CACNB4: variants seen among roughly 807,000 people sequenced by gnomAD.
CACNB4 encodes voltage-dependent L-type calcium channel subunit beta-4.
In CACNB4, 32 loss-of-function variants were observed where a neutral mutation model predicts 71.2. The observed-to-expected ratio is 0.45, with a 90% CI of 0.34 to 0.60. CACNB4 has a LOEUF of 0.60. CACNB4 is among the 20% of genes least tolerant of loss of function. The probability of loss-of-function intolerance (pLI) is 0.01; values close to 1 mark genes in which losing one functional copy is unlikely to be tolerated. For synonymous variants in CACNB4, 231 were observed against 236.9 expected (o/e 0.97, Z 0.23); for missense variants, 464 against 647.9 (o/e 0.72, Z 3.08).
intron 2 of CACNB4, among the ~76,000 whole-genome samples, chr2:151,937,369 C>G (rs1431239845): frequency 6.6e-6 from 1 of 152,118 alleles, no homozygotes; most frequent in African/African-American, 2.4e-5. Context: ...GCAAAGAACT[C>G]TGGGAGAGGC....
chr2:151,883,211 A>G (rs755363925), intron 3 of CACNB4, 40 bp downstream of exon 3: 3 of 1,611,012 alleles, frequency 1.9e-6, no homozygotes, highest in Non-Finnish European at 2.5e-6. Context: ...CCACTGAGCA[A>G]CGACCCACTT....
At chr2:151,987,312 C>T (rs1241149351) in intron 2 of CACNB4, among the ~76,000 whole-genome samples, 1 of 152,098 alleles carries the variant, frequency 6.6e-6, no homozygotes, top group Non-Finnish European at 1.5e-5. Context: ...ACAGTATACT[C>T]CCGTAGCTCA....
At chr2:151,869,920 C>T (rs1406875458) in intron 8 of CACNB4, 1 of 402,748 alleles carries the variant, frequency 2.5e-6, no homozygotes, top group Non-Finnish European at 4.4e-6. Context: ...TCACGTTCTA[C>T]CTATTTTTTA....
chr2:151,944,028 T>TTA (rs67616640), intron 2 of CACNB4, among the ~76,000 whole-genome samples: 1 of 12,262 alleles, frequency 8.2e-5, no homozygotes, highest in Non-Finnish European at 2.0e-3. Context: ...ACTTTCTTTC[T>TTA]TTTTTTTTTT....
At chr2:152,074,524 C>T (rs957917146) in intron 2 of CACNB4, among the ~76,000 whole-genome samples, 1 of 151,792 alleles carries the variant, frequency 6.6e-6, no homozygotes, top group Admixed American at 6.6e-5. Context: ...CTACTGCCAC[C>T]ACCATCACCA....
intron 2 of CACNB4, among the ~76,000 whole-genome samples, chr2:152,044,498 G>T (rs62175077): frequency 0.062 from 9,399 of 152,226 alleles, 325 homozygotes; most frequent in Non-Finnish European, 0.076. Flanking sequence ...GATTACAGGC[G>T]TGAGCCACCG....
intron 2 of CACNB4, among the ~76,000 whole-genome samples, chr2:152,076,718 A>G (rs71415201): frequency 1.0e-3 from 2 of 1,928 alleles, no homozygotes; most frequent in Non-Finnish European, 0.04. Flanking sequence ...GGACCTACCC[A>G]GATACTGATC....
rs564328139 is a variant in CACNB4 at position 152,010,851 on chromosome 2, G to A, written c.147+87479C>T. On this transcript the variant is annotated intron_variant, in intron 2 of 13. Coordinates refer to ENST00000539935, the MANE Select transcript of CACNB4 (RefSeq NM_000726.5). The stretch of plus-strand genomic sequence containing the variant: ...ATAGGGTGGAGGCTGGGGATCTGTG[G>A]GAACACACCTCAAGGACAGCAACCA... Among the ~76,000 whole-genome samples the A allele has an allele frequency of 1.4e-4, 21 of 152,288 alleles. No homozygotes were observed. The South Asian group carries it at 3.5e-3, about 26-fold the overall frequency.
chr2:151,869,521 C>A (rs146503083), intron 8 of CACNB4: 18 of 288,396 alleles, frequency 6.2e-5, no homozygotes, highest in African/African-American at 3.9e-4. Flanking sequence ...GATAGAACTG[C>A]TGCCAGGAGA....
At chr2:151,856,519 GTCTTGAAC>G (rs1320638014) in intron 10 of CACNB4, 5 of 152,106 alleles carry the variant, frequency 3.3e-5, no homozygotes, top group Admixed American at 6.6e-5. Flanking sequence ...GGCCAGGCTG[GTCTTGAAC>G]TCTTGAACTC....
At chr2:152,035,651 C>CTCTCTATA (rs796161186) in intron 2 of CACNB4, among the ~76,000 whole-genome samples, 2,417 of 117,980 alleles carry the variant, frequency 0.02, 73 homozygotes, top group African/African-American at 0.053. Flanking sequence ...CTCTCTCTCT[C>CTCTCTATA]TATATATATA....
intron 2 of CACNB4, among the ~76,000 whole-genome samples, chr2:152,017,307 C>T (rs1683397792): frequency 1.3e-5 from 2 of 150,032 alleles, no homozygotes; most frequent in African/African-American, 5.1e-5. Flanking sequence ...CTGCAGACCA[C>T]ATTTGAAAAA....
intron 2 of CACNB4, among the ~76,000 whole-genome samples, chr2:152,021,972 G>A (rs1683691368): frequency 1.3e-5 from 2 of 152,140 alleles, no homozygotes; most frequent in South Asian, 4.1e-4. Context: ...AGAAGTATAA[G>A]CGTCTAATCT....
chr2:151,998,218 A>C (rs1245972165), intron 2 of CACNB4, among the ~76,000 whole-genome samples: 1 of 150,746 alleles, frequency 6.6e-6, no homozygotes, highest in Non-Finnish European at 1.5e-5. Flanking sequence ...CCAGCTACTC[A>C]GGAGGCTCAG....
rs1407386149 is a variant in CACNB4, at chr2:151,880,925, A to T, written c.268-3T>A. The T allele has an allele frequency of 6.2e-7, 1 of 1,611,280 alleles. No individual in the cohort carries two copies. The highest frequency in any genetic ancestry group is 1.3e-5 in the African/African-American group (1 of 74,856). The stretch of plus-strand genomic sequence containing the variant: ...ACGGCAAATGCTACAGGTTTGGACT[A>T]GGGACAGAACCATGGAATAAGGAAT... On this transcript the variant is annotated splice_region_variant and splice_polypyrimidine_tract_variant and intron_variant, in intron 3 of 13. Transcript: ENST00000539935.
intron 2 of CACNB4, among the ~76,000 whole-genome samples, chr2:152,005,862 A>G (rs1682692973): frequency 1.3e-5 from 2 of 152,220 alleles, no homozygotes; most frequent in Admixed American, 1.3e-4. Context: ...AAATAGGGAT[A>G]ACAATGGAAC....
rs905212862 is a variant in CACNB4 at position 152,017,635 on chromosome 2, G to A, written c.147+80695C>T. 5.9e-5 allele frequency among the ~76,000 whole-genome samples: 9 copies of A among 151,882 alleles called. No homozygotes were observed. In the South Asian group the frequency reaches 1.9e-3, roughly 32 times the overall value. On this transcript the variant is annotated intron_variant, in intron 2 of 13. Transcript: ENST00000539935. ...AGGCAGGTGAATCACTTGAACCCAG[G>A]AGGCAGAGGTTGCAGTGAGCCGAGA...
At chr2:151,876,681 A>C in intron 4 of CACNB4, 125 bp from the exon 5 acceptor site, 1 of 485,046 alleles carries the variant, frequency 2.1e-6, no homozygotes, top group Non-Finnish European at 3.5e-6. Flanking sequence ...TTTTATATAA[A>C]CTATATTTTA....
At chr2:152,066,349 T>A (rs1411311428) in intron 2 of CACNB4, among the ~76,000 whole-genome samples, 1 of 152,144 alleles carries the variant, frequency 6.6e-6, no homozygotes, top group East Asian at 1.9e-4. Flanking sequence ...GAACAGACAC[T>A]TCTCAAAAGA....
Sources: gnomAD v4.1 joint callset for allele counts (sites outside exome capture counted in the v4.1 genomes callset) on GRCh38, gnomAD v4.1.1 for gene constraint, MANE v1.5 for transcripts, NCBI Gene and HGNC (gene_info 2026-07-23, HGNC 2026-07-21) for gene names.